GRIA4: variants seen among roughly 807,000 people sequenced by gnomAD.
GRIA4 encodes glutamate receptor 4.
A neutral mutation model predicts 104.0 loss-of-function variants in GRIA4; 34 were observed. That is an observed-to-expected ratio of 0.33 (90% confidence interval 0.25 to 0.44). The LOEUF (loss-of-function observed/expected upper bound fraction) is 0.44, where lower values mean the gene tolerates loss of function less well. Ranked by LOEUF, GRIA4 falls within the 20% of genes least tolerant of loss-of-function variation. The pLI, the probability that GRIA4 is intolerant of heterozygous loss-of-function variation, is 1.00. For synonymous variants in GRIA4, 386 were observed against 381.9 expected (o/e 1.01, Z -0.13); for missense variants, 750 against 1,096.5 (o/e 0.68, Z 4.46).
chr11:105,802,775 G>A (rs1398289006), intron 4 of GRIA4, among the ~76,000 whole-genome samples: 2 of 151,254 alleles, frequency 1.3e-5, no homozygotes, highest in Non-Finnish European at 3.0e-5. Context: ...TTATGTCATT[G>A]AAAAAAACAA....
At chr11:105,755,684 C>A (rs369866606) in intron 4 of GRIA4, among the ~76,000 whole-genome samples, 1 of 152,210 alleles carries the variant, frequency 6.6e-6, no homozygotes, top group Non-Finnish European at 1.5e-5. Flanking sequence ...GAGCTCAGCA[C>A]TTGAAGTGGT....
At chr11:105,733,656 C>T (rs1938744070) in intron 3 of GRIA4, among the ~76,000 whole-genome samples, 1 of 151,954 alleles carries the variant, frequency 6.6e-6, no homozygotes. Flanking sequence ...CGGGGTTTCG[C>T]TGTGTTGGTC....
intron 3 of GRIA4, among the ~76,000 whole-genome samples, chr11:105,642,111 T>C (rs75495572): frequency 0.028 from 4,248 of 152,172 alleles, 117 homozygotes; most frequent in African/African-American, 0.069. Flanking sequence ...AATGACCTCA[T>C]TTTAACTCGA....
In GRIA4 at chr11:105,750,099, T is replaced by A. The variant is rs553476155; in HGVS notation, c.248-2882T>A. Among the ~76,000 whole-genome samples, 3 of 152,250 alleles carry A rather than the reference T, an allele frequency of 2.0e-5. No homozygotes were observed. The South Asian group carries it at 6.2e-4, about 32-fold the overall frequency. On this transcript the variant is annotated intron_variant, in intron 3 of 16. Transcript: ENST00000282499. Reference sequence around the variant, plus strand: ...TAATTATTTGTATGCTAAGCAACAATAGATGTCATAAGATTCAGCCAAGCA... The same window carrying A: ...TAATTATTTGTATGCTAAGCAACAAAAGATGTCATAAGATTCAGCCAAGCA...
chr11:105,880,545 T>C (rs1250112971), intron 5 of GRIA4, among the ~76,000 whole-genome samples: 1 of 152,174 alleles, frequency 6.6e-6, no homozygotes, highest in Non-Finnish European at 1.5e-5. Context: ...GAGAGATGCA[T>C]ATAAAGTGAT....
chr11:105,948,589 C>CTTTTTTTTTTTTTTTT (rs1383366276), intron 14 of GRIA4, among the ~76,000 whole-genome samples: 1 of 111,210 alleles, frequency 9.0e-6, no homozygotes, highest in African/African-American at 3.4e-5. Flanking sequence ...CTTTTCTTTT[C>CTTTTTTTTTTTTTTTT]TTTTTGTTTT....
At chr11:105,676,098 T>C (rs1250728790) in intron 3 of GRIA4, among the ~76,000 whole-genome samples, 6 of 151,756 alleles carry the variant, frequency 4.0e-5, no homozygotes, top group African/African-American at 1.4e-4. Flanking sequence ...ATAAATAAAA[T>C]AGAGAATGTT....
chr11:105,924,531 T>C lies in GRIA4; in HGVS notation c.1609T>C (p.Phe537Leu). 3 of 1,613,324 alleles carry C rather than the reference T, an allele frequency of 1.9e-6. No individual in the cohort carries two copies. The highest frequency in any genetic ancestry group is 2.2e-5 in the East Asian group (1 of 44,860). Residue 537 changes from phenylalanine (F) to leucine (L), a missense_variant, in exon 12 of 17, where the codon TTT becomes CTT. Physicochemically the swap from Phe to Leu is conservative, Grantham distance 22. Transcript: ENST00000282499. ...GCCTCAGAAATCCAAACCAGGAGTG[T>C]TTTCCTTCTTGGATCCTCTGGCCTA... ...KKPQKSKPGV[F>L]SFLDPLAYEI... is the part of the protein sequence containing the mutation.
chr11:105,625,390 A>C (rs185367900), intron 3 of GRIA4, among the ~76,000 whole-genome samples: 1 of 152,168 alleles, frequency 6.6e-6, no homozygotes, highest in East Asian at 1.9e-4. Context: ...ACACAAAACA[A>C]ATCTGGTTAA....
At chr11:105,841,536 T>G (rs1056386298) in intron 4 of GRIA4, among the ~76,000 whole-genome samples, 4 of 150,504 alleles carry the variant, frequency 2.7e-5, no homozygotes, top group East Asian at 3.9e-4. Flanking sequence ...GGAAGCTGGG[T>G]TTTTTTTTCA....
chr11:105,704,248 G>C, intron 3 of GRIA4, among the ~76,000 whole-genome samples: 1 of 151,962 alleles, frequency 6.6e-6, no homozygotes. Context: ...GGTTTTATGA[G>C]TACTTTTTAA....
At chr11:105,614,069 T>C (rs866864184) in intron 3 of GRIA4, 3 of 151,846 alleles carry the variant, frequency 2.0e-5, no homozygotes, top group South Asian at 4.2e-4. Context: ...ATTTGTTTAT[T>C]TAAATATTTT....
chr11:105,952,488 T>TA (rs1232156513), intron 14 of GRIA4, among the ~76,000 whole-genome samples: 38 of 152,186 alleles, frequency 2.5e-4, no homozygotes, highest in Non-Finnish European at 4.7e-4. Flanking sequence ...TCAAACTCCC[T>TA]AGCTAATGCT....
chr11:105,715,711 G>A (rs996613976), intron 3 of GRIA4, among the ~76,000 whole-genome samples: 5 of 152,178 alleles, frequency 3.3e-5, no homozygotes, highest in African/African-American at 1.2e-4. Flanking sequence ...GATGATTAAA[G>A]GAGAAGTCAT....
intron 14 of GRIA4, among the ~76,000 whole-genome samples, chr11:105,937,865 C>T (rs893408617): frequency 2.0e-5 from 3 of 152,162 alleles, no homozygotes; most frequent in Non-Finnish European, 4.4e-5. Flanking sequence ...TTGTACTTGG[C>T]AATGCCAAAT....
At chr11:105,721,260 A>T (rs141762869) in intron 3 of GRIA4, among the ~76,000 whole-genome samples, 2 of 152,202 alleles carry the variant, frequency 1.3e-5, no homozygotes, top group African/African-American at 2.4e-5. Flanking sequence ...GAGGGATAAT[A>T]TTTCAGTTTT....
chr11:105,981,599 C>T lies in GRIA4; in HGVS notation c.*1860C>T, dbSNP rs959865851. On this transcript the variant is annotated 3_prime_UTR_variant, in exon 17 of 17. Transcript: ENST00000282499. ...CACACACACACACACACAAGTCCCTCAGGAAAAATTCCAAGCTCTTGAGAA... is the reference window on the plus strand; with the variant it reads ...CACACACACACACACACAAGTCCCTTAGGAAAAATTCCAAGCTCTTGAGAA... 1.1e-4 allele frequency: 10 copies of T among 92,590 alleles called. No individual in the cohort carries two copies. The highest frequency in any genetic ancestry group is 3.7e-4 in the African/African-American group (9 of 24,310). The allele number at this position is 92,590 out of a possible 1,614,324, so 5.7% of individuals were successfully genotyped here.
intron 3 of GRIA4, among the ~76,000 whole-genome samples, chr11:105,675,447 T>A (rs1194070554): frequency 6.6e-6 from 1 of 151,870 alleles, no homozygotes; most frequent in Non-Finnish European, 1.5e-5. Context: ...GTAAATTTAA[T>A]AAGCTAATTT....
chr11:105,702,647 A>G (rs1953538840), intron 3 of GRIA4, among the ~76,000 whole-genome samples: 1 of 151,244 alleles, frequency 6.6e-6, no homozygotes, highest in African/African-American at 2.4e-5. Flanking sequence ...CACTTTTCAC[A>G]TATTAACACA....
Sources: gnomAD v4.1 joint callset for allele counts (sites outside exome capture counted in the v4.1 genomes callset) on GRCh38, gnomAD v4.1.1 for gene constraint, MANE v1.5 for transcripts, NCBI Gene and HGNC (gene_info 2026-07-23, HGNC 2026-07-21) for gene names.